Variants in PODXL observed in about 807,000 individuals in gnomAD.
PODXL encodes the protein podocalyxin like, also known as podocalyxin.
A neutral mutation model predicts 48.9 loss-of-function variants in PODXL; 20 were observed. The ratio of observed to expected loss-of-function variants is 0.41; its 90% CI spans 0.29 to 0.59. The LOEUF is 0.59. Among genes scored for constraint, PODXL ranks in the 20% least tolerant of loss-of-function variants. The pLI, the probability that PODXL is intolerant of heterozygous loss-of-function variation, is 0.31. For synonymous variants in PODXL, 295 were observed against 287.4 expected, an observed-to-expected ratio of 1.03 and a Z score of -0.27; for missense variants, 606 against 675.1, an observed-to-expected ratio of 0.90 and a Z score of 1.13.
rs1057506958 is a variant in PODXL at position 131,542,861 on chromosome 7, G to A, written c.100+13399C>T. Among the ~76,000 whole-genome samples the A allele has an allele frequency of 2.6e-5, 4 of 152,232 alleles. No individual in the cohort carries two copies. The South Asian group carries it at 8.3e-4, about 32-fold the overall frequency. On this transcript the variant is annotated intron_variant, in intron 1 of 8. Coordinates refer to ENST00000378555, the MANE Select transcript of PODXL (RefSeq NM_001018111.3). ...GGGAGAGGCAGAGCCAGGATCACAGGATCCAGAGATCCTGGTCCGAGGAGC... is the reference window on the plus strand; with the variant it reads ...GGGAGAGGCAGAGCCAGGATCACAGAATCCAGAGATCCTGGTCCGAGGAGC...
intron 1 of PODXL, among the ~76,000 whole-genome samples, chr7:131,544,251 A>C (rs73722856): frequency 0.017 from 2,657 of 152,326 alleles, 65 homozygotes; most frequent in African/African-American, 0.058. Flanking sequence ...CGCTTAGCCA[A>C]CAGGAGACCC....
Position 131,556,242 on chromosome 7 carries a change from C to A in PODXL, c.100+18G>T. On this transcript the variant is annotated intron_variant, in intron 1 of 8. Transcript: ENST00000378555. ...GGGCACGGTGGGAGTCCCGGCGGAA[C>A]CCAGGCCGGCCACTCACCATTCTGG... The A allele has an allele frequency of 6.8e-7, 1 of 1,466,286 alleles. No homozygotes were observed. Among genetic ancestry groups the A allele is most frequent in the Non-Finnish European group, 9.0e-7 (1 of 1,112,142 alleles). The allele number at this position is 1,466,286 out of a possible 1,614,324, so 90.8% of individuals were successfully genotyped here.
Position 131,540,636 on chromosome 7 carries a change from C to T in PODXL, c.100+15624G>A, listed in dbSNP as rs1371183826. Among the ~76,000 whole-genome samples the T allele has an allele frequency of 5.3e-5, 8 of 152,322 alleles. No homozygotes were observed. In the South Asian group the frequency reaches 1.0e-3, roughly 20 times the overall value. On this transcript the variant is annotated intron_variant, in intron 1 of 8. Transcript: ENST00000378555. ...GGACATTTGGCACACAACTCTTCCC[C>T]TAGCAGTAAGTTCAAAAACAACCTT...
intron 1 of PODXL, among the ~76,000 whole-genome samples, chr7:131,528,346 A>G (rs1006500536): frequency 2.0e-5 from 3 of 152,206 alleles, no homozygotes; most frequent in African/African-American, 7.2e-5. Flanking sequence ...GATAGAAAAA[A>G]GGAGAAGGGA....
At chr7:131,552,456 G>A (rs1226957056) in intron 1 of PODXL, among the ~76,000 whole-genome samples, 1 of 152,210 alleles carries the variant, frequency 6.6e-6, no homozygotes, top group East Asian at 1.9e-4. Context: ...GGGCAGTGGT[G>A]TTAAAACCCC....
chr7:131,547,749 A>T (rs1030145), intron 1 of PODXL, among the ~76,000 whole-genome samples: 125,223 of 152,198 alleles, frequency 0.82, 52,217 homozygotes, highest in Non-Finnish European at 0.89. Flanking sequence ...GCCTCCTCTT[A>T]ATTTTCCTCT....
chr7:131,548,841 C>T (rs894584512), intron 1 of PODXL, among the ~76,000 whole-genome samples: 22 of 152,190 alleles, frequency 1.4e-4, no homozygotes, highest in Non-Finnish European at 2.6e-4. Context: ...GGACCTAGGC[C>T]GGCCCCCACC....
chr7:131,504,497 T>A lies in PODXL; in HGVS notation c.1491A>T (p.Thr497=). 1 of 1,614,142 alleles carries A rather than the reference T, an allele frequency of 6.2e-7. No individual in the cohort carries two copies. Among genetic ancestry groups the A allele is most frequent in the South Asian group, 1.1e-5 (1 of 91,086 alleles). ...LSQRKDQQRL[T]EELQTVENGY... is the part of the protein sequence containing the mutation. ...CATTCTCCACTGTCTGCAGCTCCTC[T>A]GTTAGCCGCTGCTAGAGTGGGGAAG... Residue 497 remains threonine, a synonymous_variant, in exon 9 of 9, where the codon ACA becomes ACT. Transcript: ENST00000378555.
In PODXL at chr7:131,506,757, G is replaced by A. The variant is rs368411911; in HGVS notation, c.1102-31C>T. 174 of 1,610,238 alleles carry A rather than the reference G, an allele frequency of 1.1e-4. 1 individual carries two copies. Among genetic ancestry groups the A allele is most frequent in the Middle Eastern group, 1.6e-4 (1 of 6,064 alleles). ...GTGGGGAGAGCGCAGGTGACTCCGC[G>A]GGGAGCGTGACAGCAGCCTAGGCCT... On this transcript the variant is annotated intron_variant, in intron 5 of 8. Coordinates refer to ENST00000378555, the MANE Select transcript of PODXL (RefSeq NM_001018111.3).
chr7:131,508,716 A>AGG (rs1179496969), intron 5 of PODXL, among the ~76,000 whole-genome samples: 1 of 59,636 alleles, frequency 1.7e-5, no homozygotes, highest in African/African-American at 6.6e-5. Context: ...GGGGGGTGGG[A>AGG]GGGGGGGGTC....
At chr7:131,537,661 A>G (rs1279748480) in intron 1 of PODXL, among the ~76,000 whole-genome samples, 3 of 142,678 alleles carry the variant, frequency 2.1e-5, no homozygotes. Context: ...CCTCGAGGGA[A>G]TACACACATT....
At chr7:131,550,933 C>T (rs763074110) in intron 1 of PODXL, among the ~76,000 whole-genome samples, 1 of 152,044 alleles carries the variant, frequency 6.6e-6, no homozygotes, top group African/African-American at 2.4e-5. Context: ...AGATGATTTC[C>T]AGAAGGCTCC....
At chr7:131,535,574 TA>T (rs1039554696) in intron 1 of PODXL, among the ~76,000 whole-genome samples, 3 of 152,182 alleles carry the variant, frequency 2.0e-5, no homozygotes, top group African/African-American at 4.8e-5. Flanking sequence ...TTAGGCCTTA[TA>T]GGGGGCCATA....
rs750208880 is a variant in PODXL, at chr7:131,509,238, TG to T, written c.1023+126del. On this transcript the variant is annotated intron_variant, in intron 4 of 8. Transcript: ENST00000378555. Reference sequence around the variant, plus strand: ...CTAACCAGGGAGAGGGAGGAGGGAATGGGTAAGTGCTGCTCAAAGCCCCAGC... The same window carrying T: ...CTAACCAGGGAGAGGGAGGAGGGAATGGTAAGTGCTGCTCAAAGCCCCAGC... 104 of 847,510 alleles carry T rather than the reference TG, an allele frequency of 1.2e-4. 1 individual carries two copies. Among genetic ancestry groups the T allele is most frequent in the Middle Eastern group, 4.8e-4 (2 of 4,138 alleles). The allele number at this position is 847,510 out of a possible 1,614,324, so 52.5% of individuals were successfully genotyped here.
At chr7:131,532,442 A>T (rs909153086) in intron 1 of PODXL, among the ~76,000 whole-genome samples, 5 of 148,926 alleles carry the variant, frequency 3.4e-5, no homozygotes, top group Admixed American at 1.3e-4. Flanking sequence ...TCTCAAAAAA[A>T]AAAAAAAAAT....
rs751943296 is a variant in PODXL, at chr7:131,509,486, G to A, written c.902C>T (p.Pro301Leu). 17 of 1,613,688 alleles carry A rather than the reference G, an allele frequency of 1.1e-5. No individual in the cohort carries two copies. The highest frequency in any genetic ancestry group is 1.6e-4 in the Middle Eastern group (1 of 6,082). ...SSQETVQPTS[P>L]ATALRTPTLP... is the part of the protein sequence containing the mutation. Reference sequence around the variant, plus strand: ...GGTAGGTGTTCTCAATGCCGTTGCCGGGCTCGTGGGCTGCACTGTCTCCTG... The same window carrying A: ...GGTAGGTGTTCTCAATGCCGTTGCCAGGCTCGTGGGCTGCACTGTCTCCTG... Residue 301 changes from proline (P) to leucine (L), a missense_variant, in exon 4 of 9, where the codon CCG (proline) becomes CTG (leucine). Coordinates refer to ENST00000378555, the MANE Select transcript of PODXL (RefSeq NM_001018111.3).
intron 1 of PODXL, among the ~76,000 whole-genome samples, chr7:131,534,329 C>A (rs890882812): frequency 9.2e-5 from 14 of 152,220 alleles, no homozygotes; most frequent in Non-Finnish European, 1.6e-4. Context: ...GCCTGGGGGA[C>A]CCCAACTCCA....
intron 1 of PODXL, among the ~76,000 whole-genome samples, chr7:131,553,559 C>CA (rs1321760261): frequency 6.6e-6 from 1 of 152,232 alleles, no homozygotes; most frequent in Non-Finnish European, 1.5e-5. Context: ...CGCTCATCTT[C>CA]ATAGCAACCC....
intron 1 of PODXL, among the ~76,000 whole-genome samples, chr7:131,530,804 A>G (rs1798267209): frequency 6.6e-6 from 1 of 151,194 alleles, no homozygotes; most frequent in African/African-American, 2.4e-5. Context: ...TCCCACCTAT[A>G]ATCCCAGCAC....
Sources: gnomAD v4.1 joint callset for allele counts (sites outside exome capture counted in the v4.1 genomes callset) on GRCh38, gnomAD v4.1.1 for gene constraint, MANE v1.5 for transcripts, NCBI Gene and HGNC (gene_info 2026-07-23, HGNC 2026-07-21) for gene names.